Variants in AFF2 observed in about 807,000 individuals in gnomAD.
The protein encoded by AFF2 is ALF transcription elongation factor 2.
A neutral mutation model predicts 76.9 loss-of-function variants in AFF2; 14 were observed. The ratio of observed to expected loss-of-function variants is 0.18; its 90% confidence interval spans 0.12 to 0.28. The LOEUF is 0.28. Ranked by LOEUF, AFF2 falls within the 10% of genes least tolerant of loss-of-function variation. The pLI, the probability that AFF2 is intolerant of heterozygous loss-of-function variation, is 1.00. For missense variants in AFF2, 868 were observed against 1,001.1 expected, an observed-to-expected ratio of 0.87 and a Z score of 1.79; for synonymous variants, 398 against 366.7, an observed-to-expected ratio of 1.09 and a Z score of -0.98.
chrX:148,904,808 CAT>C (rs1430271628), intron 9 of AFF2, among the ~76,000 whole-genome samples: 1 of 112,171 alleles, frequency 8.9e-6, no homozygotes, highest in Non-Finnish European at 1.9e-5. Flanking sequence ...ACTCTTAAAT[CAT>C]AAACAAGCTA....
intron 1 of AFF2, among the ~76,000 whole-genome samples, chrX:148,635,155 G>T (rs186483660): frequency 9.0e-6 from 1 of 111,459 alleles, no homozygotes; most frequent in Non-Finnish European, 1.9e-5. Context: ...ATCTCTGGCT[G>T]GGGAGATTAT....
intron 15 of AFF2, among the ~76,000 whole-genome samples, chrX:148,968,675 T>C (rs1557289136): frequency 1.8e-5 from 2 of 112,508 alleles, no homozygotes; most frequent in East Asian, 5.6e-4. Flanking sequence ...TCCTTACATC[T>C]GCCTTTTCCC....
chrX:148,918,860 C>T (rs1433392122), intron 9 of AFF2, among the ~76,000 whole-genome samples: 1 of 111,595 alleles, frequency 9.0e-6, no homozygotes, highest in Non-Finnish European at 1.9e-5. Context: ...CAGCATATAT[C>T]TCATCAAAGT....
intron 7 of AFF2, among the ~76,000 whole-genome samples, chrX:148,867,098 A>T (rs2070916184): frequency 8.9e-6 from 1 of 112,320 alleles, no homozygotes; most frequent in Admixed American, 9.4e-5. Context: ...ACCTGTAAGG[A>T]AGTGAAGAGA....
rs1016464247 is a variant in AFF2, at chrX:148,911,493, G to T, written c.1397+7235G>T. ...GGGATTTTCTCCTTGAGAATAAAAGGCTCCAGCACCAAGAAGTTTTGGCAT... is the reference window on the plus strand; with the variant it reads ...GGGATTTTCTCCTTGAGAATAAAAGTCTCCAGCACCAAGAAGTTTTGGCAT... On this transcript the variant is annotated intron_variant, in intron 9 of 20. Coordinates refer to ENST00000370460, the MANE Select transcript of AFF2 (RefSeq NM_002025.4). 2.7e-5 allele frequency among the ~76,000 whole-genome samples: 3 copies of T among 111,428 alleles called. No individual in the cohort carries two copies. The Admixed American group carries it at 2.9e-4, about 11-fold the overall frequency.
intron 3 of AFF2, among the ~76,000 whole-genome samples, chrX:148,692,394 G>A (rs1235791576): frequency 8.9e-6 from 1 of 112,107 alleles, no homozygotes; most frequent in African/African-American, 3.2e-5. Flanking sequence ...AATAAGGCAA[G>A]CATTTAGGAC....
chrX:148,605,730 A>G (rs1557248697), intron 1 of AFF2, among the ~76,000 whole-genome samples: 1 of 112,328 alleles, frequency 8.9e-6, no homozygotes, highest in African/African-American at 3.2e-5. Context: ...ATCATGGACA[A>G]TTTAGATAAC....
intron 5 of AFF2, 61 bp downstream of exon 5, chrX:148,837,794 C>T: frequency 1.2e-6 from 1 of 845,586 alleles, no homozygotes; most frequent in Admixed American, 2.5e-5. Context: ...AATCTTCCAA[C>T]TGGATTCTCA....
chrX:148,776,704 T>G (rs1557268602), intron 3 of AFF2, among the ~76,000 whole-genome samples: 1 of 111,838 alleles, frequency 8.9e-6, no homozygotes, highest in Non-Finnish European at 1.9e-5. Flanking sequence ...TTGATGGGGT[T>G]GTTTTTTTTT....
At chrX:148,576,780 G>GGT (rs1397383959) in intron 1 of AFF2, among the ~76,000 whole-genome samples, 7 of 73,615 alleles carry the variant, frequency 9.5e-5, no homozygotes, top group South Asian at 8.8e-4. Flanking sequence ...TGTGGTTTGG[G>GGT]GTGTGTGTGT....
chrX:148,675,752 G>A (rs1488642104), intron 3 of AFF2, among the ~76,000 whole-genome samples: 3 of 109,617 alleles, frequency 2.7e-5, no homozygotes, highest in African/African-American at 1.0e-4. Flanking sequence ...TCTCCTGTGT[G>A]TTGAGACCCC....
intron 3 of AFF2, among the ~76,000 whole-genome samples, chrX:148,801,727 T>C (rs1032309043): frequency 1.8e-5 from 2 of 111,903 alleles, no homozygotes; most frequent in African/African-American, 3.3e-5. Flanking sequence ...AGTATATAAA[T>C]ATATCTTAAT....
intron 1 of AFF2, among the ~76,000 whole-genome samples, chrX:148,622,145 G>A (rs1285220739): frequency 1.8e-5 from 2 of 112,073 alleles, no homozygotes; most frequent in Non-Finnish European, 3.8e-5. Context: ...AGCAGTTGAG[G>A]CAGCCCTTTG....
At chrX:148,679,624 T>C (rs1423381198) in intron 3 of AFF2, among the ~76,000 whole-genome samples, 3 of 112,097 alleles carry the variant, frequency 2.7e-5, no homozygotes, top group African/African-American at 6.5e-5. Flanking sequence ...ATTTATGTAG[T>C]ATTTGAAAGA....
At chrX:148,762,409 G>GTATATATATATATATATA (rs372864201) in intron 3 of AFF2, among the ~76,000 whole-genome samples, 9 of 86,676 alleles carry the variant, frequency 1.0e-4, no homozygotes, top group African/African-American at 5.4e-4. Context: ...GTATTCTATG[G>GTATATATATATATATATA]TATATATATA....
intron 2 of AFF2, among the ~76,000 whole-genome samples, chrX:148,658,154 C>T (rs782258010): frequency 8.9e-6 from 1 of 111,781 alleles, no homozygotes; most frequent in African/African-American, 3.3e-5. Flanking sequence ...GCTCTGTGTC[C>T]ATGTGTCCTC....
chrX:148,513,880 G>T (rs1383269532), intron 1 of AFF2, among the ~76,000 whole-genome samples: 1 of 110,790 alleles, frequency 9.0e-6, no homozygotes, highest in African/African-American at 3.3e-5. Context: ...CTCCCCAAGG[G>T]TATCATAAAT....
chrX:148,826,779 G>A (rs1219404675), intron 4 of AFF2, among the ~76,000 whole-genome samples: 2 of 35,921 alleles, frequency 5.6e-5, no homozygotes, highest in African/African-American at 8.0e-5. Flanking sequence ...ACGAATCTGG[G>A]GAGAGGAGTC....
intron 13 of AFF2, among the ~76,000 whole-genome samples, chrX:148,965,408 A>C (rs1197221234): frequency 8.9e-6 from 1 of 112,207 alleles, no homozygotes; most frequent in Non-Finnish European, 1.9e-5. Flanking sequence ...AGTAATTTAC[A>C]GAACTTCAAT....
Sources: gnomAD v4.1 joint callset for allele counts (sites outside exome capture counted in the v4.1 genomes callset) on GRCh38, gnomAD v4.1.1 for gene constraint, MANE v1.5 for transcripts, NCBI Gene and HGNC (gene_info 2026-07-23, HGNC 2026-07-21) for gene names.